Variants in NAALADL2 observed in about 807,000 individuals in gnomAD.
The protein encoded by NAALADL2 is N-acetylated alpha-linked acidic dipeptidase like 2.
Under a neutral mutation model 87.2 loss-of-function variants are expected in NAALADL2, and 76 were observed. The ratio of observed to expected loss-of-function variants is 0.87; its 90% CI spans 0.72 to 1.05. NAALADL2 has a LOEUF of 1.05. Among genes scored for constraint, NAALADL2 ranks in the 50% least tolerant of loss-of-function variants. The pLI is 0.00. For synonymous variants in NAALADL2, 354 were observed against 331.0 expected (o/e 1.07, Z -0.75); for missense variants, 1,089 against 945.8 (o/e 1.15, Z -1.99).
chr3:175,137,686 A>G (rs1439165414), intron 2 of NAALADL2, among the ~76,000 whole-genome samples: 1 of 149,370 alleles, frequency 6.7e-6, no homozygotes. Context: ...GCTCAGTGCT[A>G]CCTCCTGGGT....
chr3:175,137,038 T>A (rs1729216372), intron 2 of NAALADL2, among the ~76,000 whole-genome samples: 1 of 152,170 alleles, frequency 6.6e-6, no homozygotes, highest in Non-Finnish European at 1.5e-5. Flanking sequence ...ATGATGGAAT[T>A]TGTTGAAATT....
chr3:175,518,115 C>A (rs1732139227), intron 9 of NAALADL2, among the ~76,000 whole-genome samples: 1 of 152,214 alleles, frequency 6.6e-6, no homozygotes. Context: ...ACGCAAACTT[C>A]TAGGTTGCTC....
chr3:175,315,885 A>G (rs1759079190), intron 4 of NAALADL2, among the ~76,000 whole-genome samples: 1 of 152,190 alleles, frequency 6.6e-6, no homozygotes, highest in African/African-American at 2.4e-5. Flanking sequence ...AACAATAGAA[A>G]TTTTGATGTT....
At chr3:175,024,730 T>A (rs78828756) in intron 1 of NAALADL2, among the ~76,000 whole-genome samples, 3,472 of 151,994 alleles carry the variant, frequency 0.023, 54 homozygotes, top group Non-Finnish European at 0.034. Flanking sequence ...TTTTTTTCAG[T>A]TTTACTTTTT....
chr3:175,096,923 T>C lies in NAALADL2; in HGVS notation c.177T>C (p.Ser59=). Residue 59 remains serine (S), a synonymous_variant, in exon 2 of 14, where the codon TCT becomes TCC. Coordinates refer to ENST00000454872, the MANE Select transcript of NAALADL2 (RefSeq NM_207015.3). ...EWDMEKELEE[S]GFDQFQLDGA... ...ACATGGAGAAGGAACTAGAGGAGTC[T>C]GGTTTTGACCAATTCCAGCTAGACG... The C allele has an allele frequency of 6.2e-7, 1 of 1,613,494 alleles. No individual in the cohort carries two copies. Among genetic ancestry groups the C allele is most frequent in the Non-Finnish European group, 8.5e-7 (1 of 1,179,672 alleles).
At chr3:175,611,427 A>G (rs1262142948) in intron 10 of NAALADL2, among the ~76,000 whole-genome samples, 3 of 152,076 alleles carry the variant, frequency 2.0e-5, no homozygotes, top group African/African-American at 7.2e-5. Context: ...TCGCCCTTCA[A>G]TTGATTCATA....
At chr3:174,659,707 T>A (rs1245414006) in intron 2 of NAALADL2, among the ~76,000 whole-genome samples, 2 of 152,196 alleles carry the variant, frequency 1.3e-5, no homozygotes, top group African/African-American at 4.8e-5. Flanking sequence ...TAAGTCAGGT[T>A]ATTTATCCCT....
chr3:175,296,924 G>T (rs1290477646), intron 4 of NAALADL2, among the ~76,000 whole-genome samples: 1 of 152,092 alleles, frequency 6.6e-6, no homozygotes, highest in Non-Finnish European at 1.5e-5. Context: ...AGGAGCAGAA[G>T]ACTCAGAATG....
At chr3:175,307,359 C>T (rs115344068) in intron 4 of NAALADL2, among the ~76,000 whole-genome samples, 6,360 of 151,942 alleles carry the variant, frequency 0.042, 425 homozygotes, top group African/African-American at 0.14. Flanking sequence ...TATTTCTATA[C>T]CTGTTTAAAT....
At chr3:174,762,443 G>A (rs966756875) in intron 3 of NAALADL2, among the ~76,000 whole-genome samples, 9 of 148,054 alleles carry the variant, frequency 6.1e-5, no homozygotes, top group African/African-American at 1.5e-4. Context: ...GTGAGCCACC[G>A]CGCCCAGCAG....
At chr3:175,441,188 G>C (rs978422322) in intron 5 of NAALADL2, among the ~76,000 whole-genome samples, 1 of 151,492 alleles carries the variant, frequency 6.6e-6, no homozygotes, top group African/African-American at 2.4e-5. Context: ...GAAAGTATTT[G>C]GGGAAAAAAA....
chr3:174,586,518 TG>T (rs1716742482), intron 2 of NAALADL2, among the ~76,000 whole-genome samples: 1 of 152,158 alleles, frequency 6.6e-6, no homozygotes, highest in Non-Finnish European at 1.5e-5. Flanking sequence ...TTACATACAG[TG>T]GTCCAGTGGC....
intron 11 of NAALADL2, among the ~76,000 whole-genome samples, chr3:175,667,245 G>GAAAGAAAGAA (rs1733295145): frequency 8.2e-6 from 1 of 122,486 alleles, no homozygotes; most frequent in Non-Finnish European, 1.7e-5. Flanking sequence ...GAAAGAAAAA[G>GAAAGAAAGAA]AAAGAAAGAA....
intron 5 of NAALADL2, among the ~76,000 whole-genome samples, chr3:175,380,132 T>C (rs1005478063): frequency 6.6e-6 from 1 of 152,042 alleles, no homozygotes; most frequent in African/African-American, 2.4e-5. Flanking sequence ...CACACCAACA[T>C]GGCACATGTA....
chr3:175,055,593 C>T (rs1711973624), intron 1 of NAALADL2, among the ~76,000 whole-genome samples: 1 of 152,220 alleles, frequency 6.6e-6, no homozygotes, highest in African/African-American at 2.4e-5. Flanking sequence ...CTGGGCCAGG[C>T]TCCTCATGGC....
At chr3:174,828,046 G>C (rs986625073) in intron 3 of NAALADL2, among the ~76,000 whole-genome samples, 1 of 152,128 alleles carries the variant, frequency 6.6e-6, no homozygotes, top group African/African-American at 2.4e-5. Context: ...GCCAGGCATG[G>C]TGGCTCATAC....
chr3:175,497,908 A>G (rs182773897), intron 9 of NAALADL2, among the ~76,000 whole-genome samples: 16 of 152,260 alleles, frequency 1.1e-4, no homozygotes, highest in Admixed American at 5.9e-4. Flanking sequence ...AAAATGCTTG[A>G]AAAGCACTTG....
At chr3:175,169,223 G>A (rs1343335077) in intron 2 of NAALADL2, among the ~76,000 whole-genome samples, 1 of 151,514 alleles carries the variant, frequency 6.6e-6, no homozygotes, top group Non-Finnish European at 1.5e-5. Context: ...TCTTTTTGTG[G>A]TTTTTGTCAT....
intron 3 of NAALADL2, among the ~76,000 whole-genome samples, chr3:174,808,102 A>G (rs1241101694): frequency 1.3e-5 from 2 of 152,150 alleles, no homozygotes; most frequent in African/African-American, 4.8e-5. Flanking sequence ...TGGCAAATGA[A>G]TAATTTGGTA....
Sources: allele counts gnomAD v4.1 joint callset (sites outside exome capture counted in the v4.1 genomes callset), GRCh38; gene constraint gnomAD v4.1.1; transcripts MANE v1.5; gene names NCBI Gene and HGNC (gene_info 2026-07-23, HGNC 2026-07-21).